The following CEP350 variants were observed in gnomAD, a reference collection of about 807,000 sequenced individuals.
The protein encoded by CEP350 is centrosome-associated protein 350.
CEP350 carries 126 observed loss-of-function variants against 331.8 expected under a neutral mutation model. The ratio of observed to expected loss-of-function variants is 0.38; its 90% CI spans 0.33 to 0.44. The LOEUF (loss-of-function observed/expected upper bound fraction) is 0.44. Ranked by LOEUF, CEP350 falls within the 20% of genes least tolerant of loss-of-function variation. The pLI is 1.00. For missense variants in CEP350, 3,406 were observed against 3,634.6 expected (o/e 0.94, Z 1.62); for synonymous variants, 1,200 against 1,259.5 (o/e 0.95, Z 1.00).
intron 17 of CEP350, among the ~76,000 whole-genome samples, chr1:180,039,842 A>C (rs982593534): frequency 2.0e-5 from 3 of 152,152 alleles, no homozygotes; most frequent in African/African-American, 7.2e-5. Flanking sequence ...AATGGTATTG[A>C]ATCTGTAGGT....
rs1655280609 is a variant in CEP350 at position 180,020,857 on chromosome 1, T to A, written c.3083T>A (p.Ile1028Asn). The A allele has an allele frequency of 1.2e-6, 2 of 1,613,624 alleles. No homozygotes were observed. The highest frequency in any genetic ancestry group is 1.7e-5 in the Admixed American group (1 of 59,970). ...CPGERNSYEP[I>N]KEFQKEAEKF... is the part of the protein sequence containing the mutation. ...GGAGAAAGAAATAGTTATGAACCCATCAAAGAGTTTCAGAAAGAAGCTGAA... is the reference window on the plus strand; with the variant it reads ...GGAGAAAGAAATAGTTATGAACCCAACAAAGAGTTTCAGAAAGAAGCTGAA... Residue 1028 changes from isoleucine to asparagine, a missense_variant, in exon 12 of 38, where the codon ATC (isoleucine) becomes AAC (asparagine). Physicochemically the swap from Ile to Asn is moderately radical, Grantham distance 149. Around this residue, in one of 5 missense-constraint regions of CEP350, gnomAD observed 1,857 missense variants for 1,909.2 expected, o/e 0.97. Coordinates refer to ENST00000367607, the MANE Select transcript of CEP350 (RefSeq NM_014810.5).
At chr1:180,058,440 G>A (rs1041386011) in intron 25 of CEP350, among the ~76,000 whole-genome samples, 4 of 152,142 alleles carry the variant, frequency 2.6e-5, no homozygotes, top group Admixed American at 2.6e-4. Context: ...AATATATACA[G>A]TATTATACCA....
At chr1:179,981,742 C>A (rs968573895) in intron 1 of CEP350, among the ~76,000 whole-genome samples, 4 of 152,074 alleles carry the variant, frequency 2.6e-5, no homozygotes, top group African/African-American at 9.7e-5. Flanking sequence ...GGCTCACACC[C>A]ATGATCCCAG....
chr1:180,052,907 T>C, intron 22 of CEP350, 63 bp from the exon 23 acceptor site: 1 of 618,384 alleles, frequency 1.6e-6, no homozygotes, highest in Non-Finnish European at 2.8e-6. Context: ...CAAAGGGCTA[T>C]TAATTGAATA....
At chr1:180,065,077 T>G (rs2149021921) in intron 26 of CEP350, 38 bp from the exon 27 acceptor site, 1 of 1,550,400 alleles carries the variant, frequency 6.4e-7, no homozygotes, top group South Asian at 1.2e-5. Context: ...CAAGGTCCTA[T>G]TAAAGTCCAA....
Position 180,014,062 on chromosome 1 carries a change from C to A in CEP350, c.1609C>A (p.Leu537Met), listed in dbSNP as rs923937874. ...TCGTGGCATTCTTGATGACCTACAG[C>A]TGGATTCTACAGCTCACACTGCAAA... The part of the protein sequence containing the change: ...EIRGILDDLQ[L>M]DSTAHTAKQD... The change falls in exon 10 of 38, where the codon CTG (leucine) becomes ATG (methionine). Residue 537 changes from leucine (L) to methionine (M), a missense_variant. Physicochemically the swap from Leu to Met is conservative, Grantham distance 15. Coordinates refer to ENST00000367607, the MANE Select transcript of CEP350 (RefSeq NM_014810.5). The A allele has an allele frequency of 6.2e-7, 1 of 1,612,044 alleles. No homozygotes were observed. The highest frequency in any genetic ancestry group is 1.3e-5 in the African/African-American group (1 of 75,002).
At chr1:180,086,454 C>G (rs934860099) in intron 31 of CEP350, among the ~76,000 whole-genome samples, 1 of 152,062 alleles carries the variant, frequency 6.6e-6, no homozygotes, top group Non-Finnish European at 1.5e-5. Flanking sequence ...TACGATCCAT[C>G]TCTTCCAGCA....
chr1:180,110,895 C>T, intron 37 of CEP350, 102 bp from the exon 38 acceptor site: 10 of 967,174 alleles, frequency 1.0e-5, no homozygotes, highest in East Asian at 5.1e-5. Flanking sequence ...GGTTTATTTC[C>T]TTGGGCTGTA....
chr1:180,087,117 T>C (rs1460306160), intron 31 of CEP350: 1 of 152,276 alleles, frequency 6.6e-6, no homozygotes, highest in African/African-American at 2.4e-5. Context: ...TTCTCAACTA[T>C]CATACTGTCA....
chr1:180,090,930 G>T, intron 33 of CEP350, 134 bp downstream of exon 33: 5 of 727,396 alleles, frequency 6.9e-6, no homozygotes, highest in South Asian at 8.2e-5. Flanking sequence ...ACATTTTAAA[G>T]TTACTTTTAT....
chr1:180,091,162 T>A lies in CEP350; in HGVS notation c.6508+366T>A, dbSNP rs372049956. 4.0e-4 allele frequency among the ~76,000 whole-genome samples: 60 copies of A among 151,668 alleles called. No homozygotes were observed. In the East Asian group the frequency reaches 0.011, roughly 28 times the overall value. On this transcript the variant is annotated intron_variant, in intron 33 of 37. Transcript: ENST00000367607. ...AGCCAGGACCAGGATCACAGGCACA[T>A]GCCACCATGCCCAGCTCATCTTTTT...
chr1:179,976,401 G>A (rs1299654664), intron 1 of CEP350, among the ~76,000 whole-genome samples: 1 of 152,132 alleles, frequency 6.6e-6, no homozygotes, highest in Non-Finnish European at 1.5e-5. Flanking sequence ...ACATCTCTGA[G>A]AGGAACTGTC....
At chr1:180,058,091 A>G (rs989295767) in intron 25 of CEP350, among the ~76,000 whole-genome samples, 5 of 152,178 alleles carry the variant, frequency 3.3e-5, no homozygotes, top group Non-Finnish European at 7.3e-5. Context: ...GACATATATA[A>G]TATATGACTC....
chr1:180,016,110 A>G, intron 11 of CEP350, 140 bp downstream of exon 11: 1 of 954,742 alleles, frequency 1.0e-6, no homozygotes, highest in Non-Finnish European at 1.6e-6. Context: ...ATCTTCTGAA[A>G]TTTAGGCATA....
rs1031422254 is a variant in CEP350, at chr1:180,020,634, A to G, written c.2860A>G (p.Arg954Gly). ...PEGLLAQLCK[R>G]QTDSSSSDMQ... Reference sequence around the variant, plus strand: ...AGGGCTACTGGCACAGTTATGTAAAAGGCAGACTGACTCTTCTAGCTCTGA... The same window carrying G: ...AGGGCTACTGGCACAGTTATGTAAAGGGCAGACTGACTCTTCTAGCTCTGA... Residue 954 changes from arginine (R) to glycine (G), a missense_variant, in exon 12 of 38, where the codon AGG becomes GGG. Arg to Gly is a moderately radical substitution (Grantham distance 125). Around this residue, in one of 5 missense-constraint regions of CEP350, gnomAD observed 1,857 missense variants for 1,909.2 expected, o/e 0.97. Transcript: ENST00000367607. The G allele has an allele frequency of 3.1e-6, 5 of 1,613,884 alleles. No homozygotes were observed. In the African/African-American group the frequency reaches 6.7e-5, roughly 22 times the overall value.
chr1:180,078,566 A>T lies in CEP350; in HGVS notation c.5871A>T (p.Pro1957=), dbSNP rs751710319. Residue 1957 remains proline, a synonymous_variant, in exon 29 of 38, where the codon CCA becomes CCT. Transcript: ENST00000367607. ...ELGSPAVEYV[P]SESIGQEQPG... is the part of the protein sequence containing the mutation. The stretch of plus-strand genomic sequence containing the variant: ...GCAGCCCTGCTGTTGAATATGTACC[A>T]TCCGAGTCTATAGGACAGGAGCAGC... 21 of 1,613,508 alleles carry T rather than the reference A, an allele frequency of 1.3e-5. No individual in the cohort carries two copies. Among genetic ancestry groups the T allele is most frequent in the Admixed American group, 3.3e-5 (2 of 59,958 alleles).
intron 1 of CEP350, among the ~76,000 whole-genome samples, chr1:179,984,968 A>G (rs1301579656): frequency 7.9e-5 from 12 of 152,046 alleles, no homozygotes; most frequent in African/African-American, 2.7e-4. Flanking sequence ...TTGTGATATG[A>G]TTTTTTTCCT....
Position 180,092,807 on chromosome 1 carries a change from A to G in CEP350, c.6702A>G (p.Glu2234=), listed in dbSNP as rs530704653. 69 of 1,571,942 alleles carry G rather than the reference A, an allele frequency of 4.4e-5. 2 individuals carry two copies. In the South Asian group the frequency reaches 5.1e-4, roughly 12 times the overall value. The change falls in exon 34 of 38, where the codon GAA becomes GAG. Residue 2234 remains glutamate, a synonymous_variant. Transcript: ENST00000367607. The part of the protein sequence containing the change: ...ENVPALHLLK[E]LNATSRILDM... ...TACCTGCATTACATCTTCTCAAAGA[A>G]TTAAATGCCACTAGTAGAATTCTTG... is the stretch of plus-strand genomic sequence containing the variant.
intron 8 of CEP350, among the ~76,000 whole-genome samples, chr1:180,010,371 T>C (rs1384141889): frequency 1.3e-5 from 2 of 151,298 alleles, no homozygotes; most frequent in Non-Finnish European, 2.9e-5. Flanking sequence ...GCATGAATAC[T>C]GTTGGGGTCC....
Sources: gnomAD v4.1 joint callset for allele counts (sites outside exome capture counted in the v4.1 genomes callset) on GRCh38, gnomAD v4.1.1 for gene constraint, gnomAD v4.1.1 regional missense constraint, MANE v1.5 for transcripts, NCBI Gene and HGNC (gene_info 2026-07-23, HGNC 2026-07-21) for gene names.